The following STAU2 variants were observed in gnomAD, a reference collection of about 807,000 sequenced individuals.
The protein encoded by STAU2 is staufen double-stranded RNA binding protein 2, also known as double-stranded RNA-binding protein Staufen homolog 2.
STAU2 carries 20 observed loss-of-function variants against 65.9 expected under a neutral mutation model. That is an observed-to-expected ratio of 0.30 (90% confidence interval 0.21 to 0.44). The LOEUF (loss-of-function observed/expected upper bound fraction) is 0.44, where lower values mean the gene tolerates loss of function less well. Among genes scored for constraint, STAU2 ranks in the 20% least tolerant of loss-of-function variants. The pLI, the probability that STAU2 is intolerant of heterozygous loss-of-function variation, is 1.00. For missense variants in STAU2, 558 were observed against 683.9 expected, an observed-to-expected ratio of 0.82 and a Z score of 2.05; for synonymous variants, 232 against 233.9, an observed-to-expected ratio of 0.99 and a Z score of 0.07.
At chr8:73,512,422 T>C (rs1822457929) in intron 13 of STAU2, among the ~76,000 whole-genome samples, 1 of 152,238 alleles carries the variant, frequency 6.6e-6, no homozygotes, top group Non-Finnish European at 1.5e-5. Flanking sequence ...TTAATTTCTT[T>C]TAGCAATATT....
intron 3 of STAU2, among the ~76,000 whole-genome samples, chr8:73,730,667 C>T (rs978690218): frequency 2.6e-4 from 35 of 133,404 alleles, no homozygotes; most frequent in African/African-American, 8.5e-4. Flanking sequence ...GCAGAGGTTG[C>T]GGTGAGCCAA....
chr8:73,442,314 AC>A (rs1818212374), intron 13 of STAU2, among the ~76,000 whole-genome samples: 1 of 150,764 alleles, frequency 6.6e-6, no homozygotes, highest in South Asian at 2.1e-4. Context: ...AGATTGCACC[AC>A]TGCGCTCCAG....
chr8:73,446,352 T>A (rs1440942068), intron 13 of STAU2, among the ~76,000 whole-genome samples: 1 of 152,166 alleles, frequency 6.6e-6, no homozygotes, highest in East Asian at 1.9e-4. Context: ...AGAATAGCTT[T>A]GTATCTCGAT....
chr8:73,601,423 C>T (rs1170495969), intron 10 of STAU2, among the ~76,000 whole-genome samples: 1 of 151,956 alleles, frequency 6.6e-6, no homozygotes, highest in Non-Finnish European at 1.5e-5. Context: ...ATAATGTCAT[C>T]GGAGATTTTC....
At chr8:73,625,019 A>G (rs1429655319) in intron 6 of STAU2, among the ~76,000 whole-genome samples, 4 of 152,148 alleles carry the variant, frequency 2.6e-5, no homozygotes, top group Admixed American at 2.0e-4. Flanking sequence ...CCAAACCACA[A>G]TAAGACACTA....
intron 13 of STAU2, among the ~76,000 whole-genome samples, chr8:73,467,405 G>C (rs941798348): frequency 6.6e-6 from 1 of 152,090 alleles, no homozygotes; most frequent in Admixed American, 6.5e-5. Flanking sequence ...GGTGGCGGGC[G>C]CCTGTAGTCC....
intron 6 of STAU2, among the ~76,000 whole-genome samples, chr8:73,630,229 T>A (rs952499886): frequency 3.9e-5 from 6 of 152,376 alleles, no homozygotes; most frequent in African/African-American, 1.4e-4. Context: ...CCTGCATTGC[T>A]GCAGATACGC....
chr8:73,566,523 C>A (rs7833461), intron 12 of STAU2, among the ~76,000 whole-genome samples: 1 of 151,992 alleles, frequency 6.6e-6, no homozygotes. Context: ...CAAAAAAATG[C>A]GTACTTAATT....
intron 6 of STAU2, chr8:73,651,185 C>T: frequency 9.7e-7 from 1 of 1,025,658 alleles, no homozygotes; most frequent in Non-Finnish European, 1.5e-6. Flanking sequence ...GAGGAGCCCC[C>T]TCAGGCCGTC....
At chr8:73,650,194 T>C (rs1445320052) in intron 6 of STAU2, among the ~76,000 whole-genome samples, 1 of 151,968 alleles carries the variant, frequency 6.6e-6, no homozygotes, top group Non-Finnish European at 1.5e-5. Flanking sequence ...TGAGCTTTGA[T>C]TCTCTATGAG....
chr8:73,678,673 T>TA (rs1818182260), intron 5 of STAU2, among the ~76,000 whole-genome samples: 1 of 152,234 alleles, frequency 6.6e-6, no homozygotes, highest in African/African-American at 2.4e-5. Context: ...GTGTTAAATA[T>TA]ATCATGGTGG....
intron 5 of STAU2, among the ~76,000 whole-genome samples, chr8:73,675,915 A>G (rs984793071): frequency 2.0e-5 from 3 of 152,188 alleles, no homozygotes; most frequent in Non-Finnish European, 4.4e-5. Context: ...TAAGAAATAT[A>G]CATTGAAATA....
intron 13 of STAU2, among the ~76,000 whole-genome samples, chr8:73,521,928 T>C (rs1395879347): frequency 2.0e-5 from 3 of 152,256 alleles, no homozygotes; most frequent in Non-Finnish European, 4.4e-5. Flanking sequence ...AATACTAATA[T>C]ACATATGTTA....
chr8:73,676,116 T>C (rs1359692834), intron 5 of STAU2, among the ~76,000 whole-genome samples: 1 of 152,162 alleles, frequency 6.6e-6, no homozygotes, highest in Non-Finnish European at 1.5e-5. Flanking sequence ...CTATAATATA[T>C]TCCCAATTAC....
At position 73,589,017 on chromosome 8, in the gene STAU2, C is replaced by A. The variant is rs748197449; in HGVS notation, c.1161+6149G>T. Among the ~76,000 whole-genome samples the A allele has an allele frequency of 2.6e-5, 4 of 152,158 alleles. No homozygotes were observed. The South Asian group carries it at 6.2e-4, about 24-fold the overall frequency. On this transcript the variant is annotated intron_variant, in intron 11 of 14. Coordinates refer to ENST00000524300, the MANE Select transcript of STAU2 (RefSeq NM_001164380.2). ...ACTACAGAGCCTGAAGAGAGATAAC[C>A]CCATGCCATGACACAGCAAAGAAGA...
chr8:73,458,222 G>A (rs923879619), intron 13 of STAU2, among the ~76,000 whole-genome samples: 4 of 152,102 alleles, frequency 2.6e-5, no homozygotes, highest in Admixed American at 6.5e-5. Context: ...GATTGACTTG[G>A]AATTTTGGTT....
intron 12 of STAU2, among the ~76,000 whole-genome samples, chr8:73,575,578 C>G (rs1586040923): frequency 6.6e-6 from 1 of 152,074 alleles, no homozygotes; most frequent in Admixed American, 6.6e-5. Flanking sequence ...TATAAACAAT[C>G]TAAATATCCA....
chr8:73,436,757 T>C (rs1425435006), intron 13 of STAU2, among the ~76,000 whole-genome samples: 1 of 151,914 alleles, frequency 6.6e-6, no homozygotes, highest in Admixed American at 6.6e-5. Flanking sequence ...CAGCTGATTT[T>C]TGTATTTTCA....
At position 73,627,205 on chromosome 8, in the gene STAU2, C is replaced by CAGCGGG. The variant is rs1813707591; in HGVS notation, c.411-9755_411-9754insCCCGCT. ...ATTGTGGAGTGATGCTGCAGGAATA[C>CAGCGGG]GGCGGGGGGGGGGGGGGAGGGGGGG... On this transcript the variant is annotated intron_variant, in intron 6 of 14. Transcript: ENST00000524300. Among the ~76,000 whole-genome samples the CAGCGGG allele has an allele frequency of 5.0e-4, 2 of 3,996 alleles. 1 individual carries two copies. The highest frequency in any genetic ancestry group is 1.2e-3 in the Non-Finnish European group (2 of 1,666). The allele number at this position is 3,996 out of a possible 152,430, so 2.6% of individuals were successfully genotyped here.
Sources: gnomAD v4.1 joint callset for allele counts (sites outside exome capture counted in the v4.1 genomes callset) on GRCh38, gnomAD v4.1.1 for gene constraint, MANE v1.5 for transcripts, NCBI Gene and HGNC (gene_info 2026-07-23, HGNC 2026-07-21) for gene names.